The following SLC16A2 variants were observed in gnomAD, a reference collection of about 807,000 sequenced individuals.
SLC16A2 encodes solute carrier family 16 member 2.
Under a neutral mutation model 27.2 loss-of-function variants are expected in SLC16A2, and 3 were observed. The ratio of observed to expected loss-of-function variants is 0.11; its 90% CI spans 0.05 to 0.28. SLC16A2 has a LOEUF of 0.28. SLC16A2 is among the 10% of genes least tolerant of loss of function. The pLI is 1.00. For synonymous variants in SLC16A2, 202 were observed against 187.8 expected (o/e 1.08, Z -0.62); for missense variants, 295 against 458.5 (o/e 0.64, Z 3.26).
chrX:74,504,788 C>T (rs982450755), intron 1 of SLC16A2, among the ~76,000 whole-genome samples: 3 of 111,773 alleles, frequency 2.7e-5, no homozygotes, highest in African/African-American at 6.5e-5. Context: ...CTCAGGAGTT[C>T]GAGACCAGCC....
intron 1 of SLC16A2, among the ~76,000 whole-genome samples, chrX:74,475,232 G>C (rs1427380035): frequency 9.1e-6 from 1 of 110,040 alleles, no homozygotes; most frequent in African/African-American, 3.3e-5. Context: ...GATGGCCAGT[G>C]ATGATGAGCA....
intron 1 of SLC16A2, among the ~76,000 whole-genome samples, chrX:74,427,787 G>A (rs978423275): frequency 2.5e-4 from 25 of 98,353 alleles, no homozygotes; most frequent in Admixed American, 2.1e-4. Flanking sequence ...GTGCGCAAGC[G>A]CATGCGCACG....
chrX:74,529,561 T>C, intron 5 of SLC16A2, 120 bp downstream of exon 5: 1 of 519,504 alleles, frequency 1.9e-6, no homozygotes, highest in Non-Finnish European at 3.1e-6. Context: ...TAAGCAGCTT[T>C]GTCAGAGTGC....
At chrX:74,431,011 G>T (rs978046165) in intron 1 of SLC16A2, among the ~76,000 whole-genome samples, 2 of 112,671 alleles carry the variant, frequency 1.8e-5, no homozygotes, top group South Asian at 7.2e-4. Flanking sequence ...CAAAGTGCTG[G>T]GATTACAGGC....
At chrX:74,493,585 G>C (rs1929876422) in intron 1 of SLC16A2, among the ~76,000 whole-genome samples, 1 of 112,338 alleles carries the variant, frequency 8.9e-6, no homozygotes, top group African/African-American at 3.2e-5. Context: ...TTGCCTTCTG[G>C]GATGGCCCGA....
rs760105096 is a variant in SLC16A2 at position 74,532,092 on chromosome X, G to T, written c.*539G>T. 11 of 134,191 alleles carry T rather than the reference G, an allele frequency of 8.2e-5. No homozygotes were observed. The South Asian group carries it at 2.3e-3, about 28-fold the overall frequency. 11.1% of individuals were successfully genotyped at this position (134,191 alleles called of 1,213,427 possible). On this transcript the variant is annotated 3_prime_UTR_variant, in exon 6 of 6. Transcript: ENST00000587091. ...TTCCCAAGAACTGGGTACAAGCAGT[G>T]CCCTTATTGTATGGTTGGTTAACAG... is the stretch of plus-strand genomic sequence containing the variant.
At chrX:74,496,907 C>T (rs188508016) in intron 1 of SLC16A2, among the ~76,000 whole-genome samples, 2 of 111,894 alleles carry the variant, frequency 1.8e-5, no homozygotes, top group East Asian at 5.7e-4. Flanking sequence ...CGGGGCTGTT[C>T]GAGGCCTGCA....
intron 1 of SLC16A2, among the ~76,000 whole-genome samples, chrX:74,422,387 C>A (rs931785573): frequency 9.0e-6 from 1 of 110,708 alleles, no homozygotes; most frequent in Non-Finnish European, 1.9e-5. Flanking sequence ...GTTTAAGGTA[C>A]CTTTGCCCCT....
At chrX:74,452,278 C>T (rs1438261515) in intron 1 of SLC16A2, among the ~76,000 whole-genome samples, 1 of 111,900 alleles carries the variant, frequency 8.9e-6, no homozygotes, top group Non-Finnish European at 1.9e-5. Context: ...CCCTCTCATC[C>T]TGCTGGGAAT....
At chrX:74,443,598 C>T (rs1321576851) in intron 1 of SLC16A2, among the ~76,000 whole-genome samples, 1 of 112,370 alleles carries the variant, frequency 8.9e-6, no homozygotes, top group Non-Finnish European at 1.9e-5. Context: ...CCAGAAGGTG[C>T]TCTGGGTTCT....
At chrX:74,522,211 G>T (rs754814491) in intron 2 of SLC16A2, among the ~76,000 whole-genome samples, 1 of 111,940 alleles carries the variant, frequency 8.9e-6, no homozygotes, top group African/African-American at 3.3e-5. Flanking sequence ...CCAGAAAAGC[G>T]TCATGGCTCT....
At chrX:74,521,238 G>A (rs1466929897) in intron 2 of SLC16A2, 104 bp downstream of exon 2, 4 of 924,972 alleles carry the variant, frequency 4.3e-6, no homozygotes, top group Admixed American at 2.3e-5. Context: ...CTGTGGCCAT[G>A]GCCCTGTAGG....
intron 1 of SLC16A2, among the ~76,000 whole-genome samples, chrX:74,462,810 G>T (rs1602116654): frequency 9.0e-6 from 1 of 111,690 alleles, no homozygotes; most frequent in East Asian, 2.8e-4. Flanking sequence ...TCATTAGGGG[G>T]CTCAAGACAT....
chrX:74,502,485 T>C (rs967608365), intron 1 of SLC16A2, among the ~76,000 whole-genome samples: 5 of 111,882 alleles, frequency 4.5e-5, no homozygotes, highest in African/African-American at 1.6e-4. Context: ...CACTCAGGAG[T>C]TGGTGGAAGG....
chrX:74,504,261 C>T (rs1930084664), intron 1 of SLC16A2, among the ~76,000 whole-genome samples: 1 of 112,000 alleles, frequency 8.9e-6, no homozygotes, highest in Admixed American at 9.5e-5. Context: ...TTGAGTCCAT[C>T]GACTCTGGCT....
rs754421862 is a variant in SLC16A2, at chrX:74,462,203, G to T, written c.430+40136G>T. ...GAATCAAGGCCCTTTGTGCTTTCTG[G>T]TTCCCAAGCGCCTTTGGGGCTTGAG... On this transcript the variant is annotated intron_variant, in intron 1 of 5. Transcript: ENST00000587091. 1.2e-4 allele frequency among the ~76,000 whole-genome samples: 14 copies of T among 112,415 alleles called. No individual in the cohort carries two copies. The East Asian group carries it at 3.4e-3, about 27-fold the overall frequency.
intron 1 of SLC16A2, among the ~76,000 whole-genome samples, chrX:74,478,064 T>A (rs1206926271): frequency 2.7e-5 from 3 of 111,819 alleles, no homozygotes; most frequent in Non-Finnish European, 5.6e-5. Context: ...GTCTCATTGA[T>A]CTATCTAAGG....
At chrX:74,473,001 G>T in intron 1 of SLC16A2, 1 of 486,879 alleles carries the variant, frequency 2.1e-6, no homozygotes, top group Admixed American at 2.5e-5. Flanking sequence ...CTCCTGCTAA[G>T]GTTTGTTTCC....
intron 1 of SLC16A2, among the ~76,000 whole-genome samples, chrX:74,516,677 T>C (rs748569645): frequency 8.8e-4 from 98 of 111,585 alleles, no homozygotes; most frequent in Middle Eastern, 4.6e-3. Context: ...CTAAAAACTT[T>C]TAAAGTAACC....
Sources: allele counts gnomAD v4.1 joint callset (sites outside exome capture counted in the v4.1 genomes callset), GRCh38; gene constraint gnomAD v4.1.1; transcripts MANE v1.5; gene names NCBI Gene and HGNC (gene_info 2026-07-23, HGNC 2026-07-21).